FUBP3: variants seen among roughly 807,000 people sequenced by gnomAD.
FUBP3 encodes the protein far upstream element-binding protein 3.
A neutral mutation model predicts 85.6 loss-of-function variants in FUBP3; 28 were observed. The observed-to-expected ratio is 0.33, with a 90% CI of 0.24 to 0.45. FUBP3 has a LOEUF of 0.45. Among genes scored for constraint, FUBP3 ranks in the 20% least tolerant of loss-of-function variants. The pLI, the probability that FUBP3 is intolerant of heterozygous loss-of-function variation, is 1.00. For missense variants in FUBP3, 583 were observed against 755.1 expected (o/e 0.77, Z 2.67); for synonymous variants, 271 against 271.4 (o/e 1.00, Z 0.01).
chr9:130,617,688 T>C (rs1214992778), intron 7 of FUBP3, 109 bp from the exon 8 acceptor site: 6 of 779,198 alleles, frequency 7.7e-6, no homozygotes, highest in Non-Finnish European at 1.4e-5. Context: ...TCCCTGGTGG[T>C]AGGTGGGATG....
At chr9:130,606,777 G>A (rs147193093) in intron 2 of FUBP3, among the ~76,000 whole-genome samples, 7 of 151,772 alleles carry the variant, frequency 4.6e-5, no homozygotes, top group East Asian at 3.9e-4. Context: ...CCGAGATCAC[G>A]CCTTTGCACT....
At chr9:130,611,942 C>T (rs1026863188) in intron 3 of FUBP3, among the ~76,000 whole-genome samples, 2 of 152,014 alleles carry the variant, frequency 1.3e-5, no homozygotes, top group African/African-American at 2.4e-5. Context: ...GGCGTCTCAC[C>T]GTTAAAAACA....
At chr9:130,624,378 CTTACTCAAA>C (rs1829878980) in intron 11 of FUBP3, among the ~76,000 whole-genome samples, 1 of 152,168 alleles carries the variant, frequency 6.6e-6, no homozygotes, top group African/African-American at 2.4e-5. Flanking sequence ...TCTGGTGGTT[CTTACTCAAA>C]TTACAAATGT....
rs1255580725 is a variant in FUBP3, at chr9:130,616,325, G to A, written c.405-30G>A. The A allele has an allele frequency of 6.2e-7, 1 of 1,611,976 alleles. No individual in the cohort carries two copies. The highest frequency in any genetic ancestry group is 8.5e-7 in the Non-Finnish European group (1 of 1,178,292). On this transcript the variant is annotated intron_variant, in intron 6 of 18. Transcript: ENST00000319725. This position sits in a 1 kb window ranked among gnomAD's most constrained non-coding sequence, Gnocchi z 4.7. Reference sequence around the variant, plus strand: ...CACTTAGAGCCTCCATTTAATGCTGGTTCTCTTGTGGTTCTTTTCCCTCCC... The same window carrying A: ...CACTTAGAGCCTCCATTTAATGCTGATTCTCTTGTGGTTCTTTTCCCTCCC...
chr9:130,605,233 C>T (rs1831362195), intron 2 of FUBP3, among the ~76,000 whole-genome samples: 1 of 152,198 alleles, frequency 6.6e-6, no homozygotes. Flanking sequence ...GGTAGGCCCC[C>T]TCATCTGTTG....
At chr9:130,615,156 T>C (rs1018406177) in intron 6 of FUBP3, among the ~76,000 whole-genome samples, 3 of 152,200 alleles carry the variant, frequency 2.0e-5, no homozygotes, top group African/African-American at 7.2e-5. Flanking sequence ...ATAATAAATA[T>C]CGCTGGCAGG....
intron 1 of FUBP3, chr9:130,581,452 C>T (rs1198811974): frequency 6.6e-6 from 1 of 152,210 alleles, no homozygotes; most frequent in East Asian, 1.9e-4. Flanking sequence ...TGAATGTTAA[C>T]AGCTGGAGGT....
chr9:130,615,196 C>T (rs368453245), intron 6 of FUBP3, among the ~76,000 whole-genome samples: 5 of 152,260 alleles, frequency 3.3e-5, no homozygotes, highest in African/African-American at 1.2e-4. Context: ...GGATGGTTTG[C>T]TGGAGTCAAA....
intron 2 of FUBP3, among the ~76,000 whole-genome samples, chr9:130,598,643 A>C (rs1014652686): frequency 4.6e-5 from 7 of 152,256 alleles, no homozygotes. Flanking sequence ...CACCAGTCAA[A>C]TATAAAAAGA....
At chr9:130,609,371 G>A (rs1831626311) in intron 2 of FUBP3, among the ~76,000 whole-genome samples, 2 of 151,484 alleles carry the variant, frequency 1.3e-5, no homozygotes, top group South Asian at 4.2e-4. Flanking sequence ...GACTGCTCTG[G>A]TGGGTCCGTG....
At chr9:130,621,821 C>T (rs578190580) in intron 9 of FUBP3, among the ~76,000 whole-genome samples, 74 of 151,322 alleles carry the variant, frequency 4.9e-4, no homozygotes, top group African/African-American at 1.7e-3. Context: ...AGGAGAATGG[C>T]GTGAACCTGG....
chr9:130,618,320 T>C (rs1393563614), intron 8 of FUBP3, among the ~76,000 whole-genome samples: 5 of 152,204 alleles, frequency 3.3e-5, no homozygotes, highest in Admixed American at 6.5e-5. Flanking sequence ...TGGGGTCAGC[T>C]GAGATACAGG....
intron 2 of FUBP3, among the ~76,000 whole-genome samples, chr9:130,600,132 C>T (rs1281321981): frequency 7.0e-6 from 1 of 141,862 alleles, no homozygotes; most frequent in African/African-American, 2.5e-5. Flanking sequence ...TCCCTCTTTC[C>T]CCCTCTTTTC....
At chr9:130,623,833 A>T (rs1386952129) in intron 11 of FUBP3, 122 bp downstream of exon 11, 3 of 516,960 alleles carry the variant, frequency 5.8e-6, no homozygotes, top group Non-Finnish European at 1.0e-5. Flanking sequence ...ATTATGGGAA[A>T]CCAGCAGTTT....
chr9:130,617,736 CTGCCCTGCATTTCA>C (rs1486095380), intron 7 of FUBP3, 47 bp from the exon 8 acceptor site: 32 of 1,051,522 alleles, frequency 3.0e-5, no homozygotes, highest in Admixed American at 1.0e-4. Context: ...CGATTTTGTG[CTGCCCTGCATTTCA>C]TGCCCTGCAT....
intron 1 of FUBP3, among the ~76,000 whole-genome samples, chr9:130,589,675 G>GTA (rs1170568300): frequency 0.024 from 831 of 34,180 alleles, 19 homozygotes; most frequent in Middle Eastern, 0.05. Flanking sequence ...GTATGTGTGT[G>GTA]TATATATATA....
intron 2 of FUBP3, among the ~76,000 whole-genome samples, chr9:130,605,950 C>T (rs896720278): frequency 2.7e-5 from 4 of 147,862 alleles, no homozygotes; most frequent in Non-Finnish European, 3.1e-5. Flanking sequence ...CGCCGCTGCA[C>T]TCCAGCCTGG....
chr9:130,589,836 A>G (rs1400490033), intron 1 of FUBP3, among the ~76,000 whole-genome samples: 2 of 148,740 alleles, frequency 1.3e-5, no homozygotes, highest in East Asian at 3.9e-4. Flanking sequence ...TCAGCCTCCC[A>G]AGAAGCTAAG....
intron 7 of FUBP3, among the ~76,000 whole-genome samples, chr9:130,617,076 G>A (rs1053363694): frequency 2.0e-5 from 3 of 152,228 alleles, no homozygotes; most frequent in African/African-American, 7.2e-5. Flanking sequence ...TGAGACTCTC[G>A]GGACCAAACG....
Sources: gnomAD v4.1 joint callset for allele counts (sites outside exome capture counted in the v4.1 genomes callset) on GRCh38, gnomAD v4.1.1 for gene constraint, Gnocchi (gnomAD v3.1) non-coding constraint, MANE v1.5 for transcripts, NCBI Gene and HGNC (gene_info 2026-07-23, HGNC 2026-07-21) for gene names.